LRMDA: variants seen among roughly 807,000 people sequenced by gnomAD.
LRMDA encodes leucine-rich melanocyte differentiation-associated protein.
Under a neutral mutation model 29.8 loss-of-function variants are expected in LRMDA, and 18 were observed. The ratio of observed to expected loss-of-function variants is 0.60; its 90% CI spans 0.42 to 0.90. The LOEUF (loss-of-function observed/expected upper bound fraction) is 0.90. LRMDA is among the 40% of genes least tolerant of loss of function. The probability of loss-of-function intolerance (pLI) is 0.00; values close to 1 mark genes in which losing one functional copy is unlikely to be tolerated. For synonymous variants in LRMDA, 125 were observed against 109.4 expected (o/e 1.14, Z -0.89); for missense variants, 273 against 273.9 (o/e 1.00, Z 0.02).
chr10:75,722,476 T>A (rs1325840243), intron 2 of LRMDA, among the ~76,000 whole-genome samples: 1 of 152,166 alleles, frequency 6.6e-6, no homozygotes, highest in African/African-American at 2.4e-5. Flanking sequence ...GCTTTTGGGC[T>A]TATAAATGAA....
intron 2 of LRMDA, among the ~76,000 whole-genome samples, chr10:75,877,968 C>T (rs1441035477): frequency 1.3e-5 from 2 of 152,146 alleles, no homozygotes; most frequent in Admixed American, 6.5e-5. Context: ...GGGTGTGGCT[C>T]GCTTCTTTGA....
rs1848656661 is a variant in LRMDA, at chr10:76,058,758, T to C, written c.491T>C (p.Val164Ala). ...CGAGAGGAGGCGTTGGTCAGAGGAGTCTTCATGAAGGTGGTGAAGCCCAAG... is the reference window on the plus strand; with the variant it reads ...CGAGAGGAGGCGTTGGTCAGAGGAGCCTTCATGAAGGTGGTGAAGCCCAAG... ...QEREEALVRG[V>A]FMKVVKPKAS... The change falls in exon 5 of 7, where the codon GTC becomes GCC. Residue 164 changes from valine (V) to alanine (A), a missense_variant. By Grantham distance (64) the Val-to-Ala change is moderately conservative. Transcript: ENST00000611255. The C allele has an allele frequency of 6.2e-7, 1 of 1,613,740 alleles. No individual in the cohort carries two copies. The highest frequency in any genetic ancestry group is 2.2e-5 in the East Asian group (1 of 44,854).
chr10:76,338,745 A>AT (rs1841000868), intron 6 of LRMDA, among the ~76,000 whole-genome samples: 1 of 152,228 alleles, frequency 6.6e-6, no homozygotes. Flanking sequence ...AGGTGCATGT[A>AT]ATAAAATGAC....
chr10:76,012,317 C>G (rs895984203), intron 2 of LRMDA, among the ~76,000 whole-genome samples: 8 of 152,116 alleles, frequency 5.3e-5, no homozygotes, highest in Non-Finnish European at 8.8e-5. Flanking sequence ...CATGTCAGGG[C>G]TATACTTTTG....
At chr10:76,445,865 T>G (rs1842349272) in intron 6 of LRMDA, among the ~76,000 whole-genome samples, 1 of 152,048 alleles carries the variant, frequency 6.6e-6, no homozygotes, top group African/African-American at 2.4e-5. Context: ...ATGTTACTCA[T>G]GTTTTCCCAA....
intron 1 of LRMDA, 28 bp downstream of exon 1, chr10:75,431,782 C>A: frequency 7.4e-7 from 1 of 1,347,924 alleles, no homozygotes; most frequent in Non-Finnish European, 9.6e-7. Context: ...CCGCCTCCGC[C>A]CGGGGCGCAG....
intron 6 of LRMDA, among the ~76,000 whole-genome samples, chr10:76,371,673 A>G (rs1021938201): frequency 6.6e-6 from 1 of 152,156 alleles, no homozygotes; most frequent in African/African-American, 2.4e-5. Context: ...CAGGGGGAGA[A>G]GTGGGCTGAG....
intron 6 of LRMDA, among the ~76,000 whole-genome samples, chr10:76,516,255 C>T (rs1215220135): frequency 1.3e-5 from 2 of 152,114 alleles, no homozygotes; most frequent in African/African-American, 4.8e-5. Flanking sequence ...TTAAAATTAT[C>T]ACAATCAGAA....
At chr10:75,476,569 G>T (rs184226527) in intron 2 of LRMDA, among the ~76,000 whole-genome samples, 2 of 152,262 alleles carry the variant, frequency 1.3e-5, no homozygotes, top group African/African-American at 4.8e-5. Flanking sequence ...TAGAGTCACG[G>T]TCTGATCCAA....
At chr10:76,512,728 C>T (rs897806058) in intron 6 of LRMDA, among the ~76,000 whole-genome samples, 3 of 152,054 alleles carry the variant, frequency 2.0e-5, no homozygotes, top group Non-Finnish European at 2.9e-5. Context: ...CTTAGAATCA[C>T]CATTAAATAG....
intron 2 of LRMDA, among the ~76,000 whole-genome samples, chr10:75,986,247 A>G (rs910828567): frequency 3.9e-5 from 6 of 152,204 alleles, no homozygotes; most frequent in Non-Finnish European, 7.3e-5. Flanking sequence ...GGGTAATATA[A>G]CAACTACAAT....
At chr10:76,385,691 C>T (rs1442351728) in intron 6 of LRMDA, among the ~76,000 whole-genome samples, 2 of 152,172 alleles carry the variant, frequency 1.3e-5, no homozygotes, top group Non-Finnish European at 2.9e-5. Context: ...TTTTCTAGCT[C>T]CTTCATATCC....
chr10:75,790,181 C>T (rs1002289021), intron 2 of LRMDA, among the ~76,000 whole-genome samples: 1 of 152,092 alleles, frequency 6.6e-6, no homozygotes, highest in Non-Finnish European at 1.5e-5. Flanking sequence ...CCGTCCTGTG[C>T]ATTGTAGGGT....
At chr10:76,114,067 G>C (rs1360941544) in intron 5 of LRMDA, among the ~76,000 whole-genome samples, 1 of 152,136 alleles carries the variant, frequency 6.6e-6, no homozygotes, top group Non-Finnish European at 1.5e-5. Context: ...CCAGCACTTG[G>C]ATTCCTTTCT....
At chr10:75,558,516 T>C (rs1266624435) in intron 2 of LRMDA, among the ~76,000 whole-genome samples, 2 of 152,116 alleles carry the variant, frequency 1.3e-5, no homozygotes, top group Non-Finnish European at 2.9e-5. Flanking sequence ...GACTTTATTT[T>C]GTATTTTTAT....
At chr10:75,860,949 T>C (rs1844918654) in intron 2 of LRMDA, among the ~76,000 whole-genome samples, 1 of 152,214 alleles carries the variant, frequency 6.6e-6, no homozygotes, top group South Asian at 2.1e-4. Context: ...AAAGATATTA[T>C]TGACCTCTCA....
chr10:76,141,695 T>C (rs920123696), intron 5 of LRMDA, among the ~76,000 whole-genome samples: 1 of 152,102 alleles, frequency 6.6e-6, no homozygotes, highest in Non-Finnish European at 1.5e-5. Flanking sequence ...GATTATAGTC[T>C]TGTCACAAAT....
In LRMDA at chr10:76,262,370, C is replaced by A. The variant is rs534949226; in HGVS notation, c.517-62031C>A. Among the ~76,000 whole-genome samples the A allele has an allele frequency of 7.2e-5, 11 of 152,308 alleles. No individual in the cohort carries two copies. The East Asian group carries it at 2.1e-3, about 29-fold the overall frequency. ...CTGCTCCACTCATGTACGCGCTTCTCATCAACATGCTTTATTTTCTGAATG... is the reference window on the plus strand; with the variant it reads ...CTGCTCCACTCATGTACGCGCTTCTAATCAACATGCTTTATTTTCTGAATG... On this transcript the variant is annotated intron_variant, in intron 5 of 6. Transcript: ENST00000611255.
chr10:75,529,231 G>A (rs1470668809), intron 2 of LRMDA, among the ~76,000 whole-genome samples: 1 of 152,150 alleles, frequency 6.6e-6, no homozygotes, highest in Non-Finnish European at 1.5e-5. Context: ...GAAAAACATG[G>A]CAAACATACA....
Sources: allele counts gnomAD v4.1 joint callset (sites outside exome capture counted in the v4.1 genomes callset), GRCh38; gene constraint gnomAD v4.1.1; transcripts MANE v1.5; gene names NCBI Gene and HGNC (gene_info 2026-07-23, HGNC 2026-07-21).